Variants in GCM1 observed in about 807,000 individuals in gnomAD.
GCM1 encodes GCM transcription factor 1.
GCM1 carries 2 observed loss-of-function variants against 25.7 expected under a neutral mutation model. That is an observed-to-expected ratio of 0.08 (90% CI 0.03 to 0.24). The LOEUF (loss-of-function observed/expected upper bound fraction) is 0.24. Among genes scored for constraint, GCM1 ranks in the 10% least tolerant of loss-of-function variants. GCM1 has a pLI of 1.00. For synonymous variants in GCM1, 183 were observed against 195.7 expected (o/e 0.94, Z 0.54); for missense variants, 395 against 538.7 (o/e 0.73, Z 2.64).
chr6:53,136,521 C>T (rs182109887), intron 2 of GCM1, among the ~76,000 whole-genome samples: 489 of 152,306 alleles, frequency 3.2e-3, no homozygotes, highest in Non-Finnish European at 4.9e-3. Flanking sequence ...GTGCCTCACA[C>T]GCAGCAGGTT....
At chr6:53,131,064 G>A (rs1763718387) in intron 4 of GCM1, 133 bp from the exon 5 acceptor site, 2 of 800,310 alleles carry the variant, frequency 2.5e-6, no homozygotes, top group African/African-American at 1.7e-5. Context: ...TAACCAGACT[G>A]GATGAACCTC....
chr6:53,129,124 G>GA (rs367696809), intron 5 of GCM1, among the ~76,000 whole-genome samples, 178 bp from the exon 6 acceptor site: 2 of 152,124 alleles, frequency 1.3e-5, no homozygotes, highest in African/African-American at 2.4e-5. Context: ...CGAAACACTT[G>GA]AAAAAAGCAA....
chr6:53,134,418 A>G (rs1763769229), intron 2 of GCM1, 94 bp from the exon 3 acceptor site: 1 of 1,237,132 alleles, frequency 8.1e-7, no homozygotes, highest in African/African-American at 1.5e-5. Context: ...ATGTTTTGGC[A>G]TTCAGGAGCT....
chr6:53,141,833 A>G lies in GCM1; in HGVS notation c.75+3725T>C, dbSNP rs867382812. Reference sequence around the variant, plus strand: ...AGCCTGGGCAACATGGCAAAACCCCATCTCTACTAAAAAGACAAATAATTA... The same window carrying G: ...AGCCTGGGCAACATGGCAAAACCCCGTCTCTACTAAAAAGACAAATAATTA... On this transcript the variant is annotated intron_variant, in intron 2 of 5. Coordinates refer to ENST00000259803, the MANE Select transcript of GCM1 (RefSeq NM_003643.4). Among the ~76,000 whole-genome samples the G allele has an allele frequency of 1.7e-4, 26 of 151,690 alleles. No individual in the cohort carries two copies. In the Middle Eastern group the frequency reaches 0.01, roughly 60 times the overall value.
intron 2 of GCM1, among the ~76,000 whole-genome samples, chr6:53,140,684 A>G (rs1479638505): frequency 1.3e-5 from 2 of 152,220 alleles, no homozygotes; most frequent in East Asian, 1.9e-4. Flanking sequence ...GCACAACCTG[A>G]ACTGAGAGAA....
chr6:53,134,175 G>A lies in GCM1; in HGVS notation c.225C>T (p.Ser75=), dbSNP rs1343543969. Residue 75 remains serine (S), a synonymous_variant, in exon 3 of 6, where the codon TCC becomes TCT. Coordinates refer to ENST00000259803, the MANE Select transcript of GCM1 (RefSeq NM_003643.4). The part of the protein sequence containing the change: ...NNHNSRILKK[S]CLGVVVCGRD... ...GGCCGCACACCACCACACCCAGGCA[G>A]GACTTCTTGAGGATGCGGGAGTTGT... The A allele has an allele frequency of 7.4e-6, 12 of 1,614,184 alleles. No homozygotes were observed. Among genetic ancestry groups the A allele is most frequent in the Admixed American group, 1.7e-5 (1 of 60,016 alleles).
intron 1 of GCM1, among the ~76,000 whole-genome samples, chr6:53,148,381 T>A (rs757567168): frequency 1.3e-5 from 2 of 152,248 alleles, no homozygotes; most frequent in Non-Finnish European, 2.9e-5. Context: ...ATTTTGTTTT[T>A]AAATTAAGGG....
At chr6:53,137,040 C>T (rs1420044825) in intron 2 of GCM1, among the ~76,000 whole-genome samples, 1 of 152,154 alleles carries the variant, frequency 6.6e-6, no homozygotes, top group Non-Finnish European at 1.5e-5. Flanking sequence ...TGGTGCACCT[C>T]TTGTTCCACA....
Position 53,127,114 on chromosome 6 carries a change from A to T in GCM1, c.*1092T>A, listed in dbSNP as rs992326174. On this transcript the variant is annotated 3_prime_UTR_variant, in exon 6 of 6. Transcript: ENST00000259803. ...GGCTAATTGCACAAGAGCTTCTCCA[A>T]GCAAATATTTCTCACCTATTACAAA... 7 of 152,304 alleles carry T rather than the reference A, an allele frequency of 4.6e-5. No individual in the cohort carries two copies. Among genetic ancestry groups the T allele is most frequent in the African/African-American group, 1.7e-4 (7 of 41,568 alleles). 9.4% of individuals were successfully genotyped at this position (152,304 alleles called of 1,614,324 possible).
At chr6:53,142,903 A>AG (rs1763900973) in intron 2 of GCM1, among the ~76,000 whole-genome samples, 1 of 145,714 alleles carries the variant, frequency 6.9e-6, no homozygotes, top group Non-Finnish European at 1.5e-5. Context: ...AAAAAAAAAA[A>AG]GGAGATGGAA....
At chr6:53,140,619 G>A (rs965707413) in intron 2 of GCM1, among the ~76,000 whole-genome samples, 1 of 151,270 alleles carries the variant, frequency 6.6e-6, no homozygotes, top group East Asian at 1.9e-4. Context: ...TTTGCAAACT[G>A]CTCAGTGTGT....
Position 53,130,881 on chromosome 6 carries a change from C to A in GCM1, c.492G>T (p.Glu164Asp), listed in dbSNP as rs1466467283. 1.2e-6 allele frequency: 2 copies of A among 1,613,706 alleles called. No individual in the cohort carries two copies. The highest frequency in any genetic ancestry group is 1.7e-6 in the Non-Finnish European group (2 of 1,179,702). The change falls in exon 5 of 6, where the codon GAG becomes GAT. Residue 164 changes from glutamate (E) to aspartate (D), a missense_variant. Around this residue, in one of 5 missense-constraint regions of GCM1, gnomAD observed 32 missense variants for 97.7 expected, o/e 0.33. Transcript: ENST00000259803. ...TCACTTTCTTCATGGCTCTTCTTGC[C>A]TCAGCTTCTAACTTGGTTTCTGGTT... ...HPKPETKLEA[E>D]ARRAMKKVNT...
At chr6:53,131,953 C>CTGGTGAAACTCCTCAG in intron 4 of GCM1, 54 bp downstream of exon 4, 1 of 986,488 alleles carries the variant, frequency 1.0e-6, no homozygotes, top group South Asian at 1.3e-5. Context: ...TTTCTAGCCT[C>CTGGTGAAACTCCTCAG]TGGTGAAACT....
chr6:53,141,346 T>C (rs1763870481), intron 2 of GCM1, among the ~76,000 whole-genome samples: 2 of 152,216 alleles, frequency 1.3e-5, no homozygotes, highest in African/African-American at 4.8e-5. Context: ...TAAAGACACA[T>C]GGAGTTTCTC....
intron 2 of GCM1, among the ~76,000 whole-genome samples, chr6:53,138,610 C>T (rs138569902): frequency 6.6e-6 from 1 of 152,124 alleles, no homozygotes. Flanking sequence ...ATACTTTCTT[C>T]TTTTTAGATC....
rs562925396 is a variant in GCM1 at position 53,132,268 on chromosome 6, A to AC, written c.329-150dup. 7.4e-4 allele frequency: 463 copies of AC among 625,456 alleles called. 3 individuals carry two copies. The highest frequency in any genetic ancestry group is 3.4e-3 in the Middle Eastern group (8 of 2,338). 38.7% of individuals were successfully genotyped at this position (625,456 alleles called of 1,614,324 possible). A position where few individuals can be genotyped will look rare whatever the true frequency, so the allele number is the denominator to read the frequency against. On this transcript the variant is annotated intron_variant, in intron 3 of 5. Transcript: ENST00000259803. ...CATGGGCTGAAATCCACTAGATATTACCCCTGACCCTCAGAAGCCTGGCCA... is the reference window on the plus strand; with the variant it reads ...CATGGGCTGAAATCCACTAGATATTACCCCCTGACCCTCAGAAGCCTGGCCA...
At position 53,134,252 on chromosome 6, in the gene GCM1, T is replaced by C. The variant is rs764129290; in HGVS notation, c.148A>G (p.Lys50Glu). ...CTGCTCAGGTGCCGCTGCGCATTCT[T>C]GTCCTCCGAGCTGTAGATGTGTTTG... ...YAKHIYSSED[K>E]NAQRHLSSWA... The change falls in exon 3 of 6, where the codon AAG becomes GAG. Residue 50 changes from lysine (K) to glutamate (E), a missense_variant. Lys to Glu is a moderately conservative substitution (Grantham distance 56). This residue lies in a region of GCM1 where 44 missense variants were observed against 60.8 expected (regional missense o/e 0.72). Transcript: ENST00000259803. The C allele has an allele frequency of 6.2e-7, 1 of 1,614,190 alleles. No individual in the cohort carries two copies. Among genetic ancestry groups the C allele is most frequent in the South Asian group, 1.1e-5 (1 of 91,082 alleles).
chr6:53,135,701 C>G (rs906411080), intron 2 of GCM1, among the ~76,000 whole-genome samples: 1 of 152,130 alleles, frequency 6.6e-6, no homozygotes, highest in East Asian at 1.9e-4. Context: ...CTAGACGGTT[C>G]TAGAAGGTGA....
intron 1 of GCM1, among the ~76,000 whole-genome samples, chr6:53,147,160 G>C (rs1229626576): frequency 2.6e-5 from 4 of 152,018 alleles, no homozygotes; most frequent in African/African-American, 4.8e-5. Context: ...GGTTAAAGGA[G>C]GTTTACCAAG....
Sources: allele counts gnomAD v4.1 joint callset (sites outside exome capture counted in the v4.1 genomes callset), GRCh38; gene constraint gnomAD v4.1.1; regional missense constraint gnomAD v4.1.1; transcripts MANE v1.5; gene names NCBI Gene and HGNC (gene_info 2026-07-23, HGNC 2026-07-21).